The following ADAMTS17 variants were observed in gnomAD, a reference collection of about 807,000 sequenced individuals.
ADAMTS17 encodes ADAM metallopeptidase with thrombospondin type 1 motif 17, also known as A disintegrin and metalloproteinase with thrombospondin motifs 17.
In ADAMTS17, 113 loss-of-function variants were observed where a neutral mutation model predicts 141.5. That is an observed-to-expected ratio of 0.80 (90% CI 0.69 to 0.93). ADAMTS17 has a LOEUF of 0.93. Ranked by LOEUF, ADAMTS17 falls within the 40% of genes least tolerant of loss-of-function variation. The pLI is 0.00. For missense variants in ADAMTS17, 1,659 were observed against 1,517.9 expected, an observed-to-expected ratio of 1.09 and a Z score of -1.54; for synonymous variants, 768 against 630.6, an observed-to-expected ratio of 1.22 and a Z score of -3.27.
chr15:100,079,126 C>T (rs1354444452), intron 15 of ADAMTS17, among the ~76,000 whole-genome samples: 1 of 152,200 alleles, frequency 6.6e-6, no homozygotes, highest in African/African-American at 2.4e-5. Flanking sequence ...GTGGTGCCGC[C>T]ACTTTGGAAA....
chr15:100,082,820 C>T (rs1596374129), intron 15 of ADAMTS17, among the ~76,000 whole-genome samples: 2 of 139,856 alleles, frequency 1.4e-5, no homozygotes, highest in South Asian at 2.3e-4. Flanking sequence ...GTTGCAGACT[C>T]TCCTTCAAGA....
intron 11 of ADAMTS17, 98 bp downstream of exon 11, chr15:100,133,116 G>A: frequency 8.3e-7 from 1 of 1,199,300 alleles, no homozygotes; most frequent in Non-Finnish European, 1.2e-6. Context: ...ATGTTTCAGG[G>A]GCTCCTAAGT....
At chr15:100,240,832 C>T (rs147802741) in intron 7 of ADAMTS17, among the ~76,000 whole-genome samples, 1,589 of 152,156 alleles carry the variant, frequency 0.01, 27 homozygotes, top group African/African-American at 0.032. Flanking sequence ...GTTAATCTGG[C>T]TTTTCTTTTT....
intron 7 of ADAMTS17, among the ~76,000 whole-genome samples, chr15:100,242,011 G>T (rs974582872): frequency 6.6e-6 from 1 of 152,138 alleles, no homozygotes; most frequent in Non-Finnish European, 1.5e-5. Flanking sequence ...TAGAAATTGA[G>T]GTTAAAAACT....
intron 10 of ADAMTS17, among the ~76,000 whole-genome samples, chr15:100,141,339 C>CATGTTGCT: frequency 6.6e-6 from 1 of 152,294 alleles, no homozygotes; most frequent in South Asian, 2.1e-4. Context: ...CTGTGAAGGT[C>CATGTTGCT]ATGTTGCTGT....
At chr15:100,182,890 G>A (rs983122010) in intron 8 of ADAMTS17, among the ~76,000 whole-genome samples, 6 of 152,194 alleles carry the variant, frequency 3.9e-5, no homozygotes, top group African/African-American at 1.4e-4. Context: ...TGAATCTGCA[G>A]GCATATGTCT....
At chr15:100,340,965 C>G in intron 2 of ADAMTS17, 74 bp downstream of exon 2, 42 of 1,505,246 alleles carry the variant, frequency 2.8e-5, no homozygotes, top group Non-Finnish European at 3.7e-5. Flanking sequence ...GGCGCCCCAC[C>G]CCCACCCTCC....
At chr15:100,191,966 C>G (rs141732005) in intron 8 of ADAMTS17, among the ~76,000 whole-genome samples, 2 of 152,270 alleles carry the variant, frequency 1.3e-5, no homozygotes, top group Admixed American at 6.5e-5. Context: ...ATGTGACTTA[C>G]GCATTGCATG....
intron 18 of ADAMTS17, among the ~76,000 whole-genome samples, chr15:100,043,110 C>T (rs1234135583): frequency 6.6e-6 from 1 of 152,158 alleles, no homozygotes; most frequent in Non-Finnish European, 1.5e-5. Flanking sequence ...AGTCATGGCA[C>T]TCGCATATCC....
chr15:100,252,939 C>T (rs1419640259), intron 7 of ADAMTS17, among the ~76,000 whole-genome samples: 1 of 152,118 alleles, frequency 6.6e-6, no homozygotes, highest in African/African-American at 2.4e-5. Context: ...GATTAAGAAA[C>T]CAGAGTGGAG....
In ADAMTS17 at chr15:100,132,141, C is replaced by G. The variant is rs767074176; in HGVS notation, c.1587G>C (p.Ala529=). 6.7e-5 allele frequency: 108 copies of G among 1,613,478 alleles called. No homozygotes were observed. The highest frequency in any genetic ancestry group is 9.1e-5 in the Non-Finnish European group (107 of 1,179,928). ...TGGGCGTCTTGCTCACGCACTCCCC[C>G]GCGCGGCACCACTGAAACACAGCGG... ...TECGADKWCR[A]GECVSKTPIP... The change falls in exon 12 of 22, where the codon GCG becomes GCC. Residue 529 remains alanine, a synonymous_variant. Transcript: ENST00000268070.
At chr15:100,254,071 G>A in intron 7 of ADAMTS17, 65 bp downstream of exon 7, 2 of 1,506,104 alleles carry the variant, frequency 1.3e-6, no homozygotes, top group Non-Finnish European at 9.2e-7. Flanking sequence ...ACTGTGACCA[G>A]GAAGTCTCCA....
intron 21 of ADAMTS17, 93 bp from the exon 22 acceptor site, chr15:99,974,655 G>A (rs1326267016): frequency 6.5e-7 from 1 of 1,530,394 alleles, no homozygotes; most frequent in Non-Finnish European, 9.0e-7. Flanking sequence ...TGACCGTCTG[G>A]GCTCCCTCAC....
At chr15:100,191,219 G>C (rs2040904843) in intron 8 of ADAMTS17, among the ~76,000 whole-genome samples, 1 of 152,168 alleles carries the variant, frequency 6.6e-6, no homozygotes, top group South Asian at 2.1e-4. Context: ...AAATGCAAAG[G>C]ATTCCTGGGG....
intron 18 of ADAMTS17, among the ~76,000 whole-genome samples, chr15:100,003,732 G>C (rs1596203659): frequency 6.6e-6 from 1 of 152,096 alleles, no homozygotes; most frequent in East Asian, 1.9e-4. Context: ...CTACAACATG[G>C]ATGAGCTTCA....
intron 7 of ADAMTS17, among the ~76,000 whole-genome samples, chr15:100,230,919 G>C (rs1324338706): frequency 6.6e-6 from 1 of 152,172 alleles, no homozygotes; most frequent in African/African-American, 2.4e-5. Flanking sequence ...CAGGGGACAA[G>C]AACAGCCCAC....
chr15:100,256,313 T>G (rs1171977714), intron 6 of ADAMTS17: 1 of 152,270 alleles, frequency 6.6e-6, no homozygotes, highest in Non-Finnish European at 1.5e-5. Context: ...GTCTGACCCA[T>G]GCCCTGGGCT....
intron 15 of ADAMTS17, among the ~76,000 whole-genome samples, chr15:100,072,817 T>C (rs113471023): frequency 0.041 from 6,307 of 152,194 alleles, 454 homozygotes; most frequent in African/African-American, 0.14. Flanking sequence ...GAAGAAAACC[T>C]AGGCAATACC....
intron 2 of ADAMTS17, among the ~76,000 whole-genome samples, chr15:100,340,485 T>C (rs2046330237): frequency 6.6e-6 from 1 of 152,200 alleles, no homozygotes. Context: ...CTCCTGTTTC[T>C]TACGTTTCAG....
Sources: allele counts gnomAD v4.1 joint callset (sites outside exome capture counted in the v4.1 genomes callset), GRCh38; gene constraint gnomAD v4.1.1; transcripts MANE v1.5; gene names NCBI Gene and HGNC (gene_info 2026-07-23, HGNC 2026-07-21).